Variants in ZNF503 observed in about 807,000 individuals in gnomAD.
ZNF503 encodes the protein NocA-like zinc finger 2.
ZNF503 carries 15 observed loss-of-function variants against 34.4 expected under a neutral mutation model. That is an observed-to-expected ratio of 0.44 (90% CI 0.29 to 0.67). The LOEUF is 0.67. Ranked by LOEUF, ZNF503 falls within the 30% of genes least tolerant of loss-of-function variation. The pLI is 0.13. For missense variants in ZNF503, 1,007 were observed against 926.8 expected, an observed-to-expected ratio of 1.09 and a Z score of -1.12; for synonymous variants, 580 against 456.8, an observed-to-expected ratio of 1.27 and a Z score of -3.44.
the ZNF503 span, among the ~76,000 whole-genome samples, chr10:75,349,508 C>T: frequency 1.1e-4 from 17 of 152,176 alleles, no homozygotes; most frequent in East Asian, 1.9e-4. Context: ...ATTGAGTGTC[C>T]GTCATGTGAT....
the ZNF503 span, among the ~76,000 whole-genome samples, chr10:75,328,792 A>G: frequency 4.1e-5 from 6 of 144,732 alleles, no homozygotes; most frequent in Admixed American, 4.2e-4. Context: ...TGTCTCCCAG[A>G]CTGGAGTGCA....
chr10:75,399,786 G>A lies in ZNF503; in HGVS notation c.904C>T (p.Pro302Ser), dbSNP rs1274131685. 1 of 1,595,970 alleles carries A rather than the reference G, an allele frequency of 6.3e-7. No homozygotes were observed. The highest frequency in any genetic ancestry group is 1.1e-5 in the South Asian group (1 of 89,460). ...TCCGAGCCCAGAGCCTTGCCTCCCG[G>A]GCCCCCATCCGGATGCTGGTTCACA... Reference protein sequence around the residue: ...VDVNQHPDGGPGGKALGSDCG... With the variant: ...VDVNQHPDGGSGGKALGSDCG... Residue 302 changes from proline (P) to serine (S), a missense_variant, in exon 2 of 2, where the codon CCG becomes TCG. Coordinates refer to ENST00000372524, the MANE Select transcript of ZNF503 (RefSeq NM_032772.6).
the ZNF503 span, among the ~76,000 whole-genome samples, chr10:75,298,705 G>T: frequency 2.2e-4 from 33 of 152,192 alleles, no homozygotes; most frequent in African/African-American, 7.7e-4. Context: ...GTTCTTTTGG[G>T]TATATATGTA....
At chr10:75,342,910 G>A in the ZNF503 span, among the ~76,000 whole-genome samples, 1 of 152,180 alleles carries the variant, frequency 6.6e-6, no homozygotes, top group African/African-American at 2.4e-5. Context: ...TAAGACTAAA[G>A]ACAAACGGTC....
At chr10:75,355,716 G>A in the ZNF503 span, among the ~76,000 whole-genome samples, 7 of 152,164 alleles carry the variant, frequency 4.6e-5, no homozygotes, top group African/African-American at 1.7e-4. Flanking sequence ...ATGTATTGCT[G>A]GGTTAGAAAT....
the ZNF503 span, among the ~76,000 whole-genome samples, chr10:75,300,704 CTTTTTTTTT>C: frequency 2.8e-5 from 3 of 108,734 alleles, no homozygotes; most frequent in African/African-American, 1.1e-4. Context: ...TTCTTTCTTT[CTTTTTTTTT>C]TTTTTTTTTT....
chr10:75,400,648 G>A (rs1281610129), intron 1 of ZNF503, among the ~76,000 whole-genome samples: 1 of 152,116 alleles, frequency 6.6e-6, no homozygotes, highest in Non-Finnish European at 1.5e-5. Context: ...TTTTTAAAGA[G>A]CAAAATGTTT....
the ZNF503 span, among the ~76,000 whole-genome samples, chr10:75,299,562 C>T: frequency 6.6e-6 from 1 of 152,086 alleles, no homozygotes; most frequent in African/African-American, 2.4e-5. Flanking sequence ...ATAAAACATC[C>T]TTTGTCTCTA....
the ZNF503 span, among the ~76,000 whole-genome samples, chr10:75,294,124 G>T: frequency 1.3e-5 from 2 of 152,332 alleles, no homozygotes; most frequent in Non-Finnish European, 2.9e-5. Context: ...GGTTACCAGC[G>T]TCTCCTTTGG....
the ZNF503 span, chr10:75,382,495 A>T: frequency 1.4e-6 from 1 of 732,316 alleles, no homozygotes; most frequent in Non-Finnish European, 2.2e-6. Context: ...TTTTGACAGC[A>T]GCAACCTCTT....
chr10:75,308,195 C>CTTTTTTTTTTTTTTTTTTTTTTTT, the ZNF503 span, among the ~76,000 whole-genome samples: 1 of 133,270 alleles, frequency 7.5e-6, no homozygotes, highest in African/African-American at 2.8e-5. Flanking sequence ...GACAATACAT[C>CTTTTTTTTTTTTTTTTTTTTTTTT]TTTTTTTTTT....
the ZNF503 span, among the ~76,000 whole-genome samples, chr10:75,390,253 C>G: frequency 7.2e-5 from 11 of 152,220 alleles, no homozygotes; most frequent in African/African-American, 2.6e-4. Context: ...CCTTTCCACC[C>G]AGCTTTGCTT....
the ZNF503 span, among the ~76,000 whole-genome samples, chr10:75,329,417 TCCTTCCTTCCTTCCTTC>T: frequency 1.2e-4 from 8 of 64,080 alleles, no homozygotes; most frequent in African/African-American, 4.4e-4. Context: ...TTCCTTCCTT[TCCTTCCTTCCTTCCTTC>T]CTTTCTTTCT....
the ZNF503 span, among the ~76,000 whole-genome samples, chr10:75,380,348 A>T: frequency 6.6e-6 from 1 of 152,190 alleles, no homozygotes; most frequent in Non-Finnish European, 1.5e-5. Context: ...GAGGAAACTG[A>T]GGCTCAGGGA....
rs759296161 is a variant in ZNF503, at chr10:75,400,046, G to T, written c.644C>A (p.Pro215Gln). 6 of 1,593,114 alleles carry T rather than the reference G, an allele frequency of 3.8e-6. No homozygotes were observed. The highest frequency in any genetic ancestry group is 1.7e-4 in the Middle Eastern group (1 of 5,928). ...VSSEKSGFRV[P>Q]SATCQPFTPR... ...CGTGAATGGCTGGCAGGTGGCGCTCGGTACCCGGAATCCCGACTTCTCCGA... is the reference window on the plus strand; with the variant it reads ...CGTGAATGGCTGGCAGGTGGCGCTCTGTACCCGGAATCCCGACTTCTCCGA... Residue 215 changes from proline (P) to glutamine (Q), a missense_variant, in exon 2 of 2, where the codon CCG (proline) becomes CAG (glutamine). By Grantham distance (76) the Pro-to-Gln change is moderately conservative. Coordinates refer to ENST00000372524, the MANE Select transcript of ZNF503 (RefSeq NM_032772.6).
the ZNF503 span, chr10:75,361,105 A>G: frequency 6.6e-6 from 1 of 152,268 alleles, no homozygotes; most frequent in African/African-American, 2.4e-5. Context: ...GGAGAGGCAG[A>G]CAATATAGGA....
chr10:75,348,220 G>A, the ZNF503 span, among the ~76,000 whole-genome samples: 1 of 150,952 alleles, frequency 6.6e-6, no homozygotes, highest in Non-Finnish European at 1.5e-5. Context: ...GTGCCACCAC[G>A]CCTGGCTAAT....
downstream of ZNF503, among the ~76,000 whole-genome samples, chr10:75,394,502 A>G (rs74146618): frequency 0.04 from 6,074 of 152,328 alleles, 381 homozygotes; most frequent in African/African-American, 0.14. Context: ...GGCAACTTTT[A>G]CGAGTCTTCT....
the ZNF503 span, among the ~76,000 whole-genome samples, chr10:75,282,229 G>T: frequency 6.6e-6 from 1 of 152,236 alleles, no homozygotes; most frequent in East Asian, 1.9e-4. Flanking sequence ...GGGAGAAGGT[G>T]AGAGAGATGG....
Sources: gnomAD v4.1 joint callset for allele counts (sites outside exome capture counted in the v4.1 genomes callset) on GRCh38, gnomAD v4.1.1 for gene constraint, MANE v1.5 for transcripts, NCBI Gene and HGNC (gene_info 2026-07-23, HGNC 2026-07-21) for gene names.